C10orf105: variants seen among roughly 807,000 people sequenced by gnomAD.
The protein encoded by C10orf105 is chromosome 10 open reading frame 105.
In C10orf105, 2 loss-of-function variants were observed where a neutral mutation model predicts 0.6. The observed-to-expected ratio is 3.18, with a 90% CI of 1.30 to 10.01. C10orf105 has a LOEUF of 10.01. C10orf105 is among the 30% of genes most tolerant of loss of function. The probability of loss-of-function intolerance (pLI) is 0.04; values close to 1 mark genes in which losing one functional copy is unlikely to be tolerated. For synonymous variants in C10orf105, 95 were observed against 82.4 expected (o/e 1.15, Z -0.83); for missense variants, 209 against 191.4 (o/e 1.09, Z -0.54).
intron 1 of C10orf105, chr10:71,730,728 C>T (rs1273223625): frequency 1.2e-5 from 17 of 1,386,638 alleles, no homozygotes; most frequent in Non-Finnish European, 1.6e-5. Flanking sequence ...CATGTCTAGG[C>T]CAGGGAGGGG....
At chr10:71,722,994 G>A (rs1029383068), upstream of C10orf105, among the ~76,000 whole-genome samples, 9 of 152,304 alleles carry the variant, frequency 5.9e-5, no homozygotes, top group African/African-American at 1.7e-4. Context: ...AGAAGAATGT[G>A]ATTGGCTCAG....
At chr10:71,724,544 C>T (rs1866721934), upstream of C10orf105, among the ~76,000 whole-genome samples, 1 of 152,194 alleles carries the variant, frequency 6.6e-6, no homozygotes, top group African/African-American at 2.4e-5. Context: ...CCTTGTGATC[C>T]ACCCATCTCA....
upstream of C10orf105, among the ~76,000 whole-genome samples, chr10:71,720,412 C>A (rs1265850288): frequency 7.0e-6 from 1 of 143,448 alleles, no homozygotes; most frequent in African/African-American, 2.7e-5. Context: ...ACTGGAGGCT[C>A]TTTCCAAAAC....
chr10:71,736,919 C>G (rs1410609341), intron 1 of C10orf105, among the ~76,000 whole-genome samples: 2 of 152,188 alleles, frequency 1.3e-5, no homozygotes, highest in African/African-American at 2.4e-5. Context: ...GGGACTCAAG[C>G]TGAGAGCGTC....
rs1410052253 is a variant in C10orf105 at position 71,713,613 on chromosome 10, G to A, written c.*2323C>T. On this transcript the variant is annotated 3_prime_UTR_variant, in exon 2 of 2. Coordinates refer to ENST00000441508, the MANE Select transcript of C10orf105 (RefSeq NM_001164375.3). ...CACAGAGAGCCCAGAAAGCCCTGAG[G>A]ATTTGCGAGAGTGTGGTGGCTAGCT... The A allele has an allele frequency of 2.9e-6, 1 of 343,900 alleles. No homozygotes were observed. Among genetic ancestry groups the A allele is most frequent in the African/African-American group, 2.1e-5 (1 of 46,894 alleles). The allele number at this position is 343,900 out of a possible 1,614,324, so 21.3% of individuals were successfully genotyped here.
At chr10:71,727,669 A>G (rs114759099) in intron 1 of C10orf105, among the ~76,000 whole-genome samples, 4 of 152,098 alleles carry the variant, frequency 2.6e-5, no homozygotes, top group Non-Finnish European at 4.4e-5. Context: ...ACATACACAC[A>G]CACACACGCA....
intron 1 of C10orf105, among the ~76,000 whole-genome samples, chr10:71,718,061 C>T (rs539109230): frequency 3.9e-5 from 6 of 152,296 alleles, no homozygotes; most frequent in African/African-American, 1.2e-4. Flanking sequence ...GTCATGATTT[C>T]CCTTTAACCT....
At position 71,715,894 on chromosome 10, in the gene C10orf105, G is replaced by A. The variant is rs1180507657; in HGVS notation, c.*42C>T. On this transcript the variant is annotated 3_prime_UTR_variant, in exon 2 of 2. Transcript: ENST00000441508. ...GTCTCTGAAGCAGGAGGATCTACAG[G>A]TAGACCTAGGGGGATGTGGGGGCAT... is the stretch of plus-strand genomic sequence containing the variant. The A allele has an allele frequency of 2.8e-6, 4 of 1,432,798 alleles. No individual in the cohort carries two copies. Among genetic ancestry groups the A allele is most frequent in the Non-Finnish European group, 3.7e-6 (4 of 1,089,072 alleles). 88.8% of individuals were successfully genotyped at this position (1,432,798 alleles called of 1,614,324 possible).
In C10orf105 at chr10:71,715,446, G is replaced by A. The variant is rs56266405; in HGVS notation, c.*490C>T. 3.2e-3 allele frequency: 489 copies of A among 152,780 alleles called. 3 individuals carry two copies. The highest frequency in any genetic ancestry group is 5.2e-3 in the Non-Finnish European group (356 of 68,346). The allele number at this position is 152,780 out of a possible 1,614,324, so 9.5% of individuals were successfully genotyped here. On this transcript the variant is annotated 3_prime_UTR_variant, in exon 2 of 2. Transcript: ENST00000441508. Reference sequence around the variant, plus strand: ...CGGGAAACCCAAGGAAGAGAGCCCCGAGGTTTTGCCCCAGCACTGGGCCAG... The same window carrying A: ...CGGGAAACCCAAGGAAGAGAGCCCCAAGGTTTTGCCCCAGCACTGGGCCAG...
In C10orf105 at chr10:71,715,794, A is replaced by C. The variant is rs1422536713; in HGVS notation, c.*142T>G. ...TTTGGGAAAGGGCGCTGGCCTGGGC[A>C]TGCAAGGAGCTTCGGGGGGTGAGTG... is the stretch of plus-strand genomic sequence containing the variant. On this transcript the variant is annotated 3_prime_UTR_variant, in exon 2 of 2. Transcript: ENST00000441508. 2 of 749,902 alleles carry C rather than the reference A, an allele frequency of 2.7e-6. No homozygotes were observed. Among genetic ancestry groups the C allele is most frequent in the Admixed American group, 7.3e-5 (2 of 27,278 alleles). 46.5% of individuals were successfully genotyped at this position (749,902 alleles called of 1,614,324 possible).
chr10:71,732,196 G>C (rs111033468), intron 1 of C10orf105: 3 of 1,613,886 alleles, frequency 1.9e-6, no homozygotes, highest in Non-Finnish European at 2.5e-6. Context: ...CGAGCTGGAC[G>C]AGGCCGTGCA....
chr10:71,712,601 G>A lies in C10orf105; in HGVS notation c.*3335C>T. The A allele has an allele frequency of 1.9e-6, 3 of 1,588,220 alleles. No homozygotes were observed. Among genetic ancestry groups the A allele is most frequent in the Non-Finnish European group, 2.6e-6 (3 of 1,163,342 alleles). On this transcript the variant is annotated 3_prime_UTR_variant, in exon 2 of 2. Transcript: ENST00000441508. ...TGGCCGGTGCCCGGGAGTGTGCAAAGTCACAGGAAGTGTGCCCCTCTCTCA... is the reference window on the plus strand; with the variant it reads ...TGGCCGGTGCCCGGGAGTGTGCAAAATCACAGGAAGTGTGCCCCTCTCTCA...
chr10:71,716,856 A>G (rs1866274203), intron 1 of C10orf105: 1 of 152,842 alleles, frequency 6.5e-6, no homozygotes, highest in Non-Finnish European at 1.5e-5. Flanking sequence ...TATTTTCAAA[A>G]TAATAACAGA....
intron 1 of C10orf105, among the ~76,000 whole-genome samples, chr10:71,736,552 C>T (rs781638022): frequency 6.6e-6 from 1 of 152,148 alleles, no homozygotes; most frequent in African/African-American, 2.4e-5. Flanking sequence ...TTGTGAGGCC[C>T]TGGGTGAAGA....
chr10:71,728,708 G>A (rs1290157951), intron 1 of C10orf105, among the ~76,000 whole-genome samples: 1 of 152,172 alleles, frequency 6.6e-6, no homozygotes, highest in Non-Finnish European at 1.5e-5. Context: ...ACCGGCCCCA[G>A]CTCTGTTTGG....
In C10orf105 at chr10:71,713,737, C is replaced by T. The variant is rs552267420; in HGVS notation, c.*2199G>A. ...CTGGTGCCTGAAACCCAATTGAGAG[C>T]CCTCCCCCTCCTGGACTTTTCCTTC... is the stretch of plus-strand genomic sequence containing the variant. On this transcript the variant is annotated 3_prime_UTR_variant, in exon 2 of 2. Coordinates refer to ENST00000441508, the MANE Select transcript of C10orf105 (RefSeq NM_001164375.3). 1 of 166,692 alleles carries T rather than the reference C, an allele frequency of 6.0e-6. No individual in the cohort carries two copies. The highest frequency in any genetic ancestry group is 1.3e-5 in the Non-Finnish European group (1 of 76,432). 10.3% of individuals were successfully genotyped at this position (166,692 alleles called of 1,614,324 possible).
At chr10:71,734,379 C>T (rs1223757489) in intron 1 of C10orf105, 3 of 1,561,110 alleles carry the variant, frequency 1.9e-6, no homozygotes, top group Non-Finnish European at 1.7e-6. Context: ...CAGGTGCGGC[C>T]CATCGCTGGC....
At position 71,716,056 on chromosome 10, in the gene C10orf105, G is replaced by T. The variant is rs1866210767; in HGVS notation, c.282C>A (p.Gly94=). 1 of 1,512,754 alleles carries T rather than the reference G, an allele frequency of 6.6e-7. No homozygotes were observed. The highest frequency in any genetic ancestry group is 2.5e-5 in the East Asian group (1 of 40,430). 93.7% of individuals were successfully genotyped at this position (1,512,754 alleles called of 1,614,324 possible). A position where few individuals can be genotyped will look rare whatever the true frequency, so the allele number is the denominator to read the frequency against. ...AGCTGTGCAGGGAGAGGCGCAAGGA[G>T]CCCAGGCGCTTCCAGAGCCGGAGCT... ...EPQLRLWKRL[G]SLRLSLHSFR... is the part of the protein sequence containing the mutation. The change falls in exon 2 of 2, where the codon GGC becomes GGA. Residue 94 remains glycine, a synonymous_variant. Coordinates refer to ENST00000441508, the MANE Select transcript of C10orf105 (RefSeq NM_001164375.3).
rs1866118989 is a variant in C10orf105 at position 71,714,385 on chromosome 10, G to A, written c.*1551C>T. On this transcript the variant is annotated 3_prime_UTR_variant, in exon 2 of 2. Coordinates refer to ENST00000441508, the MANE Select transcript of C10orf105 (RefSeq NM_001164375.3). ...ACTGGGGAGTCAAAGTGAGGGGCTG[G>A]ACAATGTCTGGCTCTCTGCAAGCTC... is the stretch of plus-strand genomic sequence containing the variant. 6.6e-6 allele frequency: 1 copy of A among 152,182 alleles called. No individual in the cohort carries two copies. Among genetic ancestry groups the A allele is most frequent in the Non-Finnish European group, 1.5e-5 (1 of 68,056 alleles). 9.4% of individuals were successfully genotyped at this position (152,182 alleles called of 1,614,324 possible). A position where few individuals can be genotyped will look rare whatever the true frequency, so the allele number is the denominator to read the frequency against.
Sources: gnomAD v4.1 joint callset for allele counts (sites outside exome capture counted in the v4.1 genomes callset) on GRCh38, gnomAD v4.1.1 for gene constraint, MANE v1.5 for transcripts, NCBI Gene and HGNC (gene_info 2026-07-23, HGNC 2026-07-21) for gene names.